OLA1: variants seen among roughly 807,000 people sequenced by gnomAD.
OLA1 encodes the protein obg-like ATPase 1.
In OLA1, 14 loss-of-function variants were observed where a neutral mutation model predicts 48.4. The ratio of observed to expected loss-of-function variants is 0.29; its 90% confidence interval spans 0.19 to 0.45. The LOEUF (loss-of-function observed/expected upper bound fraction) is 0.45, where lower values mean the gene tolerates loss of function less well. Ranked by LOEUF, OLA1 falls within the 20% of genes least tolerant of loss-of-function variation. The probability of loss-of-function intolerance (pLI) is 1.00; values close to 1 mark genes in which losing one functional copy is unlikely to be tolerated. For synonymous variants in OLA1, 127 were observed against 150.4 expected, an observed-to-expected ratio of 0.84 and a Z score of 1.14; for missense variants, 325 against 467.1, an observed-to-expected ratio of 0.70 and a Z score of 2.80.
chr2:174,082,164 C>G lies in OLA1; in HGVS notation c.729-100G>C. On this transcript the variant is annotated intron_variant, in intron 7 of 10. Transcript: ENST00000284719. ...CACATACATATTCATAAGAATTGCA[C>G]GGTTTTATGATGCCATCTTTTTGTA... The G allele has an allele frequency of 2.3e-6, 3 of 1,309,038 alleles. No individual in the cohort carries two copies. In the South Asian group the frequency reaches 3.9e-5, roughly 17 times the overall value. The allele number at this position is 1,309,038 out of a possible 1,614,324, so 81.1% of individuals were successfully genotyped here. A position where few individuals can be genotyped will look rare whatever the true frequency, so the allele number is the denominator to read the frequency against.
intron 10 of OLA1, among the ~76,000 whole-genome samples, 167 bp from the exon 11 acceptor site, chr2:174,075,694 C>T (rs1469371852): frequency 6.6e-6 from 1 of 152,066 alleles, no homozygotes. Flanking sequence ...TGGAGAGAAG[C>T]AAAGTATTCT....
chr2:174,209,879 T>A (rs1406703393), intron 4 of OLA1, among the ~76,000 whole-genome samples: 1 of 152,206 alleles, frequency 6.6e-6, no homozygotes, highest in African/African-American at 2.4e-5. Flanking sequence ...AACGTGAATG[T>A]TCTGTGTAAC....
intron 7 of OLA1, among the ~76,000 whole-genome samples, chr2:174,109,080 G>C (rs1478831377): frequency 6.6e-6 from 1 of 152,098 alleles, no homozygotes; most frequent in Non-Finnish European, 1.5e-5. Flanking sequence ...GATGTTAACA[G>C]GGCAGGGAAA....
At chr2:174,119,919 G>A (rs1373355248) in intron 7 of OLA1, among the ~76,000 whole-genome samples, 1 of 148,440 alleles carries the variant, frequency 6.7e-6, no homozygotes, top group Non-Finnish European at 1.5e-5. Context: ...AGCCCACCAG[G>A]GCATATGAAA....
chr2:174,188,053 C>CA (rs1260457080), intron 4 of OLA1, among the ~76,000 whole-genome samples: 1 of 152,102 alleles, frequency 6.6e-6, no homozygotes. Context: ...GTTAAACGGC[C>CA]AAAATGGTTC....
chr2:174,204,135 C>T (rs1688055931), intron 4 of OLA1, among the ~76,000 whole-genome samples: 4 of 151,260 alleles, frequency 2.6e-5, no homozygotes, highest in Admixed American at 2.6e-4. Flanking sequence ...GGCGCAGTGG[C>T]TCACGCCTGT....
chr2:174,138,908 T>C (rs928775323), intron 5 of OLA1, among the ~76,000 whole-genome samples: 2 of 152,250 alleles, frequency 1.3e-5, no homozygotes, highest in Admixed American at 1.3e-4. Flanking sequence ...TGGTAGTCTT[T>C]AGTTCTTCAA....
At chr2:174,131,225 T>C (rs1377110717) in intron 5 of OLA1, among the ~76,000 whole-genome samples, 1 of 152,142 alleles carries the variant, frequency 6.6e-6, no homozygotes, top group Non-Finnish European at 1.5e-5. Flanking sequence ...ACAATATATA[T>C]TACTTTGCGT....
At chr2:174,084,656 CT>C (rs1574471360) in intron 7 of OLA1, among the ~76,000 whole-genome samples, 3 of 152,142 alleles carry the variant, frequency 2.0e-5, no homozygotes, top group East Asian at 1.9e-4. Flanking sequence ...GACCAGTTAC[CT>C]TTTGCAGAAA....
intron 7 of OLA1, among the ~76,000 whole-genome samples, chr2:174,116,209 G>A (rs1003577171): frequency 2.0e-5 from 3 of 152,032 alleles, no homozygotes; most frequent in Non-Finnish European, 4.4e-5. Context: ...TTCATAAGTC[G>A]GTTATTTTAA....
chr2:174,202,766 A>G (rs935656267), intron 4 of OLA1, among the ~76,000 whole-genome samples: 2 of 152,320 alleles, frequency 1.3e-5, no homozygotes, highest in African/African-American at 4.8e-5. Context: ...TATTTTCCTT[A>G]TGATTTTCTT....
chr2:174,090,911 G>C (rs562852220), intron 7 of OLA1, among the ~76,000 whole-genome samples: 1 of 152,146 alleles, frequency 6.6e-6, no homozygotes, highest in African/African-American at 2.4e-5. Flanking sequence ...ATCTCCTTGA[G>C]AGCCTTCCCT....
chr2:174,147,078 C>T (rs1470746302), intron 4 of OLA1, among the ~76,000 whole-genome samples: 1 of 152,166 alleles, frequency 6.6e-6, no homozygotes, highest in Non-Finnish European at 1.5e-5. Flanking sequence ...GAAAACTACA[C>T]TCATACAAGC....
rs1219186467 is a variant in OLA1, at chr2:174,131,640, A to C, written c.550-7965T>G. Among the ~76,000 whole-genome samples, 3 of 152,092 alleles carry C rather than the reference A, an allele frequency of 2.0e-5. No homozygotes were observed. The East Asian group carries it at 5.8e-4, about 29-fold the overall frequency. ...AACACTTGGTATTGTCAGTCTTATTAATTTATGGCAAGTGTATGGTATCTC... is the reference window on the plus strand; with the variant it reads ...AACACTTGGTATTGTCAGTCTTATTCATTTATGGCAAGTGTATGGTATCTC... On this transcript the variant is annotated intron_variant, in intron 5 of 10. Transcript: ENST00000284719.
chr2:174,132,647 T>C (rs1166002341), intron 5 of OLA1, among the ~76,000 whole-genome samples: 8 of 152,196 alleles, frequency 5.3e-5, no homozygotes, highest in Non-Finnish European at 1.5e-5. Context: ...AGACAATTTC[T>C]AGTAATCTTC....
chr2:174,210,848 A>T (rs1487918939), intron 4 of OLA1, among the ~76,000 whole-genome samples: 1 of 152,200 alleles, frequency 6.6e-6, no homozygotes. Flanking sequence ...TCTACTTAAA[A>T]GGCTGTGCTT....
chr2:174,172,213 C>A, intron 4 of OLA1: 1 of 216,354 alleles, frequency 4.6e-6, no homozygotes. Flanking sequence ...GCAGCCAGTA[C>A]TGCAGGCCGT....
At chr2:174,218,378 A>C (rs2105446926) in intron 4 of OLA1, among the ~76,000 whole-genome samples, 1 of 152,306 alleles carries the variant, frequency 6.6e-6, no homozygotes, top group South Asian at 2.1e-4. Context: ...GATGAAAAAA[A>C]AACCACCAGA....
intron 4 of OLA1, among the ~76,000 whole-genome samples, chr2:174,153,967 A>C (rs1308915709): frequency 4.6e-5 from 7 of 152,138 alleles, no homozygotes; most frequent in Non-Finnish European, 8.8e-5. Flanking sequence ...CCTGGTCTTA[A>C]GCCATCCTAC....
Sources: gnomAD v4.1 joint callset for allele counts (sites outside exome capture counted in the v4.1 genomes callset) on GRCh38, gnomAD v4.1.1 for gene constraint, MANE v1.5 for transcripts, NCBI Gene and HGNC (gene_info 2026-07-23, HGNC 2026-07-21) for gene names.